STAT4: variants seen among roughly 807,000 people sequenced by gnomAD.
The protein encoded by STAT4 is signal transducer and activator of transcription 4.
A neutral mutation model predicts 110.5 loss-of-function variants in STAT4; 42 were observed. The ratio of observed to expected loss-of-function variants is 0.38; its 90% CI spans 0.30 to 0.49. The LOEUF (loss-of-function observed/expected upper bound fraction) is 0.49, where lower values mean the gene tolerates loss of function less well. Ranked by LOEUF, STAT4 falls within the 20% of genes least tolerant of loss-of-function variation. The pLI is 0.95. For missense variants in STAT4, 632 were observed against 887.9 expected (o/e 0.71, Z 3.66); for synonymous variants, 284 against 302.2 (o/e 0.94, Z 0.63).
Position 191,144,669 on chromosome 2 carries a change from C to T in STAT4, c.273+1944G>A, listed in dbSNP as rs577169083. Among the ~76,000 whole-genome samples, 25 of 150,226 alleles carry T rather than the reference C, an allele frequency of 1.7e-4. No homozygotes were observed. The highest frequency in any genetic ancestry group is 3.1e-4 in the Non-Finnish European group (21 of 67,846). On this transcript the variant is annotated intron_variant, in intron 3 of 23. Transcript: ENST00000392320. The surrounding 1 kb of genome is among the most constrained non-coding windows in gnomAD (Gnocchi z 4.7). ...AACAAGGTTCGTCTGATACAACTGGCCAGAGGAGAAGCTTCCCTCACAATC... is the reference window on the plus strand; with the variant it reads ...AACAAGGTTCGTCTGATACAACTGGTCAGAGGAGAAGCTTCCCTCACAATC...
intron 3 of STAT4, among the ~76,000 whole-genome samples, chr2:191,115,364 C>A (rs1698544091): frequency 6.6e-6 from 1 of 152,148 alleles, no homozygotes; most frequent in Non-Finnish European, 1.5e-5. Flanking sequence ...GAAAATAATT[C>A]TTTGGAGGTT....
chr2:191,049,090 T>C (rs1696443681), intron 14 of STAT4, among the ~76,000 whole-genome samples: 1 of 150,952 alleles, frequency 6.6e-6, no homozygotes, highest in Non-Finnish European at 1.5e-5. Context: ...GATGTCACCA[T>C]AGTCTTCTCT....
chr2:191,105,741 C>G (rs1463470655), intron 3 of STAT4, among the ~76,000 whole-genome samples: 1 of 152,156 alleles, frequency 6.6e-6, no homozygotes, highest in Non-Finnish European at 1.5e-5. Flanking sequence ...CATTAGTCTT[C>G]AAAAACACAA....
intron 3 of STAT4, among the ~76,000 whole-genome samples, chr2:191,119,065 C>T (rs183175307): frequency 1.3e-5 from 2 of 152,188 alleles, no homozygotes; most frequent in African/African-American, 4.8e-5. Flanking sequence ...GATGCCCAGC[C>T]GAACACAACT....
At position 191,076,084 on chromosome 2, in the gene STAT4, C is replaced by CT. The variant is rs140120811; in HGVS notation, c.372+142dup. On this transcript the variant is annotated intron_variant, in intron 4 of 23. Coordinates refer to ENST00000392320, the MANE Select transcript of STAT4 (RefSeq NM_003151.4). ...GGCCAGACTGGTCTCAAACTCTTGG[C>CT]TTCAAATGATCCTCCCACCTTTGCC... 1,808 of 638,244 alleles carry CT rather than the reference C, an allele frequency of 2.8e-3. 41 individuals are homozygous for CT. The East Asian group carries it at 0.045, about 16-fold the overall frequency. 39.5% of individuals were successfully genotyped at this position (638,244 alleles called of 1,614,324 possible). A position where few individuals can be genotyped will look rare whatever the true frequency, so the allele number is the denominator to read the frequency against.
rs1415058808 is a variant in STAT4 at position 191,033,657 on chromosome 2, A to T, written c.1716-31T>A. The T allele has an allele frequency of 3.1e-6, 5 of 1,602,726 alleles. No homozygotes were observed. The highest frequency in any genetic ancestry group is 4.3e-6 in the Non-Finnish European group (5 of 1,175,970). On this transcript the variant is annotated intron_variant, in intron 19 of 23. Transcript: ENST00000392320. This position sits in a 1 kb window ranked among gnomAD's most constrained non-coding sequence, Gnocchi z 6.9. ...AATAGAACATGCATTATTTCATCTG[A>T]TCATTATTGGATTTTCACTTATTGC... is the stretch of plus-strand genomic sequence containing the variant.
chr2:191,100,814 A>T (rs1199165381), intron 3 of STAT4, among the ~76,000 whole-genome samples: 1 of 151,442 alleles, frequency 6.6e-6, no homozygotes, highest in Non-Finnish European at 1.5e-5. Flanking sequence ...AATATATGTG[A>T]CTTTATATAT....
rs1054450912 is a variant in STAT4, at chr2:191,050,816, C to T, written c.1251+3674G>A. On this transcript the variant is annotated intron_variant, in intron 14 of 23. Coordinates refer to ENST00000392320, the MANE Select transcript of STAT4 (RefSeq NM_003151.4). The surrounding 1 kb of genome is among the most constrained non-coding windows in gnomAD (Gnocchi z 4.3). ...TCTTGTGCAACTTCTTCCTTTCACC[C>T]AATCCTAAAGCCAGGAGCCCCTGTA... Among the ~76,000 whole-genome samples, 2 of 152,148 alleles carry T rather than the reference C, an allele frequency of 1.3e-5. No homozygotes were observed. The highest frequency in any genetic ancestry group is 4.8e-5 in the African/African-American group (2 of 41,416).
chr2:191,092,462 T>C (rs539901641), intron 3 of STAT4, among the ~76,000 whole-genome samples: 1 of 151,404 alleles, frequency 6.6e-6, no homozygotes, highest in East Asian at 1.9e-4. Flanking sequence ...GTAACAGATA[T>C]CCCTTCATTT....
At position 191,150,913 on chromosome 2, in the gene STAT4, A is replaced by G. The variant is rs1370309726; in HGVS notation, c.-2+34T>C. ...GCATAATAAGCATGTCCTCCTTACA[A>G]GAGGCAGCCAGAAGGTGTGGTCTGG... On this transcript the variant is annotated intron_variant, in intron 1 of 23. Transcript: ENST00000392320. This position sits in a 1 kb window ranked among gnomAD's most constrained non-coding sequence, Gnocchi z 6.4. 4 of 985,178 alleles carry G rather than the reference A, an allele frequency of 4.1e-6. No individual in the cohort carries two copies. The highest frequency in any genetic ancestry group is 1.1e-4 in the East Asian group (1 of 8,828). 61.0% of individuals were successfully genotyped at this position (985,178 alleles called of 1,614,324 possible).
chr2:191,148,723 T>C (rs1280326745), intron 1 of STAT4, among the ~76,000 whole-genome samples: 3 of 152,230 alleles, frequency 2.0e-5, no homozygotes, highest in Non-Finnish European at 4.4e-5. Context: ...GTCAGCTTTA[T>C]GTTCTTGACT....
intron 3 of STAT4, among the ~76,000 whole-genome samples, chr2:191,118,970 T>TG (rs1375159883): frequency 6.6e-6 from 1 of 152,164 alleles, no homozygotes; most frequent in Non-Finnish European, 1.5e-5. Context: ...ATCACTATGT[T>TG]GCCCAGGCTG....
Position 191,042,305 on chromosome 2 carries a change from A to C in STAT4, c.1252-1157T>G, listed in dbSNP as rs536985148. 6.6e-6 allele frequency among the ~76,000 whole-genome samples: 1 copy of C among 152,354 alleles called. No homozygotes were observed. Among genetic ancestry groups the C allele is most frequent in the East Asian group, 1.9e-4 (1 of 5,188 alleles). ...ATAAGAATGCAAAAACAAAAAACTC[A>C]GAGGAAAAGCAAAAAGTAAAAATAA... On this transcript the variant is annotated intron_variant, in intron 14 of 23. Transcript: ENST00000392320. The surrounding 1 kb of genome is among the most constrained non-coding windows in gnomAD (Gnocchi z 4.2).
intron 5 of STAT4, among the ~76,000 whole-genome samples, chr2:191,071,028 C>G (rs540790684): frequency 1.3e-5 from 2 of 152,254 alleles, no homozygotes; most frequent in South Asian, 4.1e-4. Context: ...ATTCTCCATA[C>G]TTATAAACCT....
intron 3 of STAT4, among the ~76,000 whole-genome samples, chr2:191,096,378 C>T (rs1027331741): frequency 1.3e-5 from 2 of 152,168 alleles, no homozygotes; most frequent in African/African-American, 2.4e-5. Context: ...CAATAAACTA[C>T]TGGCAAACTG....
Position 191,043,445 on chromosome 2 carries a change from T to G in STAT4, c.1252-2297A>C, listed in dbSNP as rs1696261949. Among the ~76,000 whole-genome samples the G allele has an allele frequency of 1.3e-5, 2 of 152,168 alleles. No individual in the cohort carries two copies. Among genetic ancestry groups the G allele is most frequent in the Non-Finnish European group, 2.9e-5 (2 of 68,026 alleles). On this transcript the variant is annotated intron_variant, in intron 14 of 23. Transcript: ENST00000392320. This position sits in a 1 kb window ranked among gnomAD's most constrained non-coding sequence, Gnocchi z 4.8. ...GGAAATGTCAAAGACATAAACAAAT[T>G]GTAATTCTTATATACCACTTATGCA...
chr2:191,097,283 T>C (rs1207488612), intron 3 of STAT4, among the ~76,000 whole-genome samples: 1 of 152,210 alleles, frequency 6.6e-6, no homozygotes, highest in Non-Finnish European at 1.5e-5. Context: ...GAAGTTTTTA[T>C]GGAACCAAAA....
intron 3 of STAT4, among the ~76,000 whole-genome samples, chr2:191,081,964 G>C (rs1008765906): frequency 2.6e-5 from 4 of 152,098 alleles, no homozygotes; most frequent in African/African-American, 9.7e-5. Flanking sequence ...TCAGTCAGCA[G>C]GATGTTTCTG....
intron 3 of STAT4, among the ~76,000 whole-genome samples, chr2:191,094,065 G>A (rs935463801): frequency 2.0e-5 from 3 of 152,126 alleles, no homozygotes; most frequent in African/African-American, 7.2e-5. Context: ...AAAGAACAAA[G>A]CCTCCAAGAA....
Sources: gnomAD v4.1 joint callset for allele counts (sites outside exome capture counted in the v4.1 genomes callset) on GRCh38, gnomAD v4.1.1 for gene constraint, Gnocchi (gnomAD v3.1) non-coding constraint, MANE v1.5 for transcripts, NCBI Gene and HGNC (gene_info 2026-07-23, HGNC 2026-07-21) for gene names.